Variants in TNKS1BP1 observed in about 807,000 individuals in gnomAD.
The protein encoded by TNKS1BP1 is 182 kDa tankyrase-1-binding protein.
A neutral mutation model predicts 141.1 loss-of-function variants in TNKS1BP1; 48 were observed. The ratio of observed to expected loss-of-function variants is 0.34; its 90% CI spans 0.27 to 0.43. The LOEUF is 0.43. Among genes scored for constraint, TNKS1BP1 ranks in the 20% least tolerant of loss-of-function variants. The pLI, the probability that TNKS1BP1 is intolerant of heterozygous loss-of-function variation, is 1.00. For synonymous variants in TNKS1BP1, 875 were observed against 898.2 expected (o/e 0.97, Z 0.46); for missense variants, 2,149 against 2,226.0 (o/e 0.97, Z 0.70).
At position 57,308,481 on chromosome 11, in the gene TNKS1BP1, C is replaced by A; in HGVS notation, c.4230G>T (p.Gln1410His). ...GVGETSGPETQGEDYSSSSLE... is the reference protein window; with the variant it reads ...GVGETSGPETHGEDYSSSSLE... ...AGGAAGACGAGGAGTAATCTTCACC[C>A]TGGGTCTCTGGCCCACTTGTCTCAC... Residue 1410 changes from glutamine (Q) to histidine (H), a missense_variant, in exon 6 of 12, where the codon CAG becomes CAT. Physicochemically the swap from Gln to His is conservative, Grantham distance 24 (BLOSUM62 0). Coordinates refer to ENST00000358252, the MANE Select transcript of TNKS1BP1 (RefSeq NM_033396.3). 1.9e-6 allele frequency: 3 copies of A among 1,614,204 alleles called. No homozygotes were observed. The highest frequency in any genetic ancestry group is 2.5e-6 in the Non-Finnish European group (3 of 1,180,028).
intron 6 of TNKS1BP1, among the ~76,000 whole-genome samples, chr11:57,307,817 T>C (rs1371999255): frequency 7.2e-5 from 11 of 152,212 alleles, no homozygotes; most frequent in Non-Finnish European, 7.3e-5. Context: ...TTCAGCAAAT[T>C]TGCACAGAGG....
At position 57,300,760 on chromosome 11, in the gene TNKS1BP1, T is replaced by A. The variant is rs183427649; in HGVS notation, c.5129+124A>T. On this transcript the variant is annotated intron_variant, in intron 10 of 11. Transcript: ENST00000358252. Reference sequence around the variant, plus strand: ...TGACACCATCTTCATACCGTTCATCTGGGGCATGTCCGACTGAGGTTCCTC... The same window carrying A: ...TGACACCATCTTCATACCGTTCATCAGGGGCATGTCCGACTGAGGTTCCTC... 564 of 1,499,178 alleles carry A rather than the reference T, an allele frequency of 3.8e-4. 2 individuals carry two copies. The highest frequency in any genetic ancestry group is 1.4e-3 in the South Asian group (111 of 79,786). The allele number at this position is 1,499,178 out of a possible 1,614,324, so 92.9% of individuals were successfully genotyped here. A position where few individuals can be genotyped will look rare whatever the true frequency, so the allele number is the denominator to read the frequency against.
At chr11:57,314,522 T>TA (rs1234811356) in intron 4 of TNKS1BP1, among the ~76,000 whole-genome samples, 1 of 152,186 alleles carries the variant, frequency 6.6e-6, no homozygotes, top group African/African-American at 2.4e-5. Context: ...CTCCCTCACA[T>TA]ATGGCAGACA....
At chr11:57,321,744 T>TGGGGCGC in intron 2 of TNKS1BP1, 48 bp downstream of exon 2, 1 of 1,039,822 alleles carries the variant, frequency 9.6e-7, no homozygotes, top group Non-Finnish European at 1.5e-6. Context: ...CCTCTGTCCT[T>TGGGGCGC]CCCACCCCCC....
At chr11:57,322,053 G>T (rs1200523404) in intron 1 of TNKS1BP1, 103 bp from the exon 2 acceptor site, 2 of 613,858 alleles carry the variant, frequency 3.3e-6, no homozygotes, top group East Asian at 7.7e-5. Context: ...GTGTGGGACA[G>T]GAAGAGAGAA....
Position 57,308,725 on chromosome 11 carries a change from C to T in TNKS1BP1, c.3986G>A (p.Gly1329Glu), listed in dbSNP as rs1488783873. ...DLEVTCDPDS[G>E]GSQGLRGCGV... Reference sequence around the variant, plus strand: ...ACATCCCCGTAGCCCCTGAGAACCTCCAGAGTCTGGGTCACAGGTCACCTC... The same window carrying T: ...ACATCCCCGTAGCCCCTGAGAACCTTCAGAGTCTGGGTCACAGGTCACCTC... Residue 1329 changes from glycine to glutamate, a missense_variant, in exon 6 of 12, where the codon GGA (glycine) becomes GAA (glutamate). Physicochemically the swap from Gly to Glu is moderately conservative, Grantham distance 98 (BLOSUM62 -2). Coordinates refer to ENST00000358252, the MANE Select transcript of TNKS1BP1 (RefSeq NM_033396.3). 6.2e-7 allele frequency: 1 copy of T among 1,613,728 alleles called. No individual in the cohort carries two copies. Among genetic ancestry groups the T allele is most frequent in the South Asian group, 1.1e-5 (1 of 91,084 alleles).
rs902540325 is a variant in TNKS1BP1 at position 57,309,116 on chromosome 11, T to C, written c.3595A>G (p.Ser1199Gly). 1 of 1,613,904 alleles carries C rather than the reference T, an allele frequency of 6.2e-7. No individual in the cohort carries two copies. The highest frequency in any genetic ancestry group is 8.5e-7 in the Non-Finnish European group (1 of 1,179,970). The change falls in exon 6 of 12, where the codon AGC becomes GGC. Residue 1199 changes from serine (S) to glycine (G), a missense_variant. Transcript: ENST00000358252. The surrounding 1 kb of genome is among the most constrained non-coding windows in gnomAD (Gnocchi z 4.3). ...CCGGTCAGGTTCATGTCTCTCAAGC[T>C]CAGGCCACCTGACCAGCCCATCTGT... ...VGQMGWSGGL[S>G]LRDMNLTGCL...
Position 57,300,629 on chromosome 11 carries a change from T to C in TNKS1BP1, c.5130-29A>G, listed in dbSNP as rs199938530. The C allele has an allele frequency of 2.5e-5, 40 of 1,613,964 alleles. No homozygotes were observed. The East Asian group carries it at 8.7e-4, about 35-fold the overall frequency. ...GGAGGCAGACGGCAAAGGTCCAGAATGCAAACTTTGAGGAAACTGAACACA... is the reference window on the plus strand; with the variant it reads ...GGAGGCAGACGGCAAAGGTCCAGAACGCAAACTTTGAGGAAACTGAACACA... On this transcript the variant is annotated intron_variant, in intron 10 of 11. Coordinates refer to ENST00000358252, the MANE Select transcript of TNKS1BP1 (RefSeq NM_033396.3).
chr11:57,320,163 G>A lies in TNKS1BP1; in HGVS notation c.644C>T (p.Thr215Ile). 1.2e-6 allele frequency: 2 copies of A among 1,614,168 alleles called. No individual in the cohort carries two copies. Among genetic ancestry groups the A allele is most frequent in the African/African-American group, 1.3e-5 (1 of 75,032 alleles). The change falls in exon 3 of 12, where the codon ACC becomes ATC. Residue 215 changes from threonine to isoleucine, a missense_variant. By Grantham distance (89) the Thr-to-Ile change is moderately conservative (BLOSUM62 -1). Transcript: ENST00000358252. ...TTAPRDEDGS[T>I]LFRGWSQEGP... ...CTCCTGGGACCATCCCCTGAAGAGG[G>A]TGCTGCCATCCTCATCCCTGGGAGC...
At chr11:57,305,321 T>G (rs929605480) in intron 6 of TNKS1BP1, among the ~76,000 whole-genome samples, 1 of 152,256 alleles carries the variant, frequency 6.6e-6, no homozygotes, top group Non-Finnish European at 1.5e-5. Context: ...GCCTAACACA[T>G]AGTTAGCACT....
intron 6 of TNKS1BP1, among the ~76,000 whole-genome samples, chr11:57,306,490 G>A (rs1309243066): frequency 8.5e-5 from 13 of 152,172 alleles, no homozygotes. Flanking sequence ...CATATTCACA[G>A]ACTGGTATTC....
Position 57,300,613 on chromosome 11 carries a change from C to T in TNKS1BP1, c.5130-13G>A, listed in dbSNP as rs201263507. 1.1e-4 allele frequency: 181 copies of T among 1,614,072 alleles called. No individual in the cohort carries two copies. The highest frequency in any genetic ancestry group is 1.6e-4 in the Middle Eastern group (1 of 6,084). On this transcript the variant is annotated splice_polypyrimidine_tract_variant and intron_variant, in intron 10 of 11. Transcript: ENST00000358252. The stretch of plus-strand genomic sequence containing the variant: ...CGATCCTTCTGACCTAGGAGGCAGA[C>T]GGCAAAGGTCCAGAATGCAAACTTT...
At chr11:57,308,137 T>C (rs1320044645) in intron 6 of TNKS1BP1, among the ~76,000 whole-genome samples, 2 of 152,200 alleles carry the variant, frequency 1.3e-5, no homozygotes, top group African/African-American at 4.8e-5. Context: ...ACAGTCACAA[T>C]TCCAAATCAC....
chr11:57,300,443 A>G, intron 11 of TNKS1BP1, 85 bp downstream of exon 11: 1 of 1,253,656 alleles, frequency 8.0e-7, no homozygotes, highest in Admixed American at 1.9e-5. Flanking sequence ...GGTGGGAGCT[A>G]AGGGACAGAA....
In TNKS1BP1 at chr11:57,309,332, T is replaced by C; in HGVS notation, c.3379A>G (p.Ile1127Val). The C allele has an allele frequency of 6.2e-7, 1 of 1,614,112 alleles. No homozygotes were observed. Among genetic ancestry groups the C allele is most frequent in the Non-Finnish European group, 8.5e-7 (1 of 1,180,034 alleles). Residue 1127 changes from isoleucine (I) to valine (V), a missense_variant, in exon 6 of 12, where the codon ATT (isoleucine) becomes GTT (valine). Coordinates refer to ENST00000358252, the MANE Select transcript of TNKS1BP1 (RefSeq NM_033396.3). This position sits in a 1 kb window ranked among gnomAD's most constrained non-coding sequence, Gnocchi z 4.3. ...ASERSYQFGIIGNDRVSGAGF... is the reference protein window; with the variant it reads ...ASERSYQFGIVGNDRVSGAGF... Reference sequence around the variant, plus strand: ...GCACCACTCACTCTGTCGTTGCCAATGATGCCAAACTGATAGCTCCTCTCA... The same window carrying C: ...GCACCACTCACTCTGTCGTTGCCAACGATGCCAAACTGATAGCTCCTCTCA...
rs35084894 is a variant in TNKS1BP1 at position 57,304,872 on chromosome 11, C to CAAAA, written c.4317-2051_4317-2048dup. Among the ~76,000 whole-genome samples the CAAAA allele has an allele frequency of 1.7e-3, 126 of 72,046 alleles. 1 individual carries two copies. The highest frequency in any genetic ancestry group is 2.6e-3 in the Admixed American group (15 of 5,766). 47.3% of individuals were successfully genotyped at this position (72,046 alleles called of 152,430 possible). On this transcript the variant is annotated intron_variant, in intron 6 of 11. Coordinates refer to ENST00000358252, the MANE Select transcript of TNKS1BP1 (RefSeq NM_033396.3). ...AGGCAACAAGAGCAAAACTCCGTCT[C>CAAAA]AAAAAAAAAAAAAAAAAAAAAAATC...
intron 3 of TNKS1BP1, 68 bp downstream of exon 3, chr11:57,320,011 G>T: frequency 7.7e-7 from 1 of 1,296,680 alleles, no homozygotes; most frequent in South Asian, 1.3e-5. Flanking sequence ...TTGGTCCCCA[G>T]CCCCCACCCA....
At chr11:57,316,105 T>G (rs993457209) in intron 4 of TNKS1BP1, among the ~76,000 whole-genome samples, 1 of 152,192 alleles carries the variant, frequency 6.6e-6, no homozygotes, top group African/African-American at 2.4e-5. Flanking sequence ...CTTTCTCCTT[T>G]ACCTTGCCAC....
chr11:57,300,393 G>T, intron 11 of TNKS1BP1, 135 bp downstream of exon 11: 1 of 754,984 alleles, frequency 1.3e-6, no homozygotes, highest in Non-Finnish European at 2.2e-6. Context: ...AGTCTCTGGA[G>T]CTTGGCTTCA....
Sources: allele counts gnomAD v4.1 joint callset (sites outside exome capture counted in the v4.1 genomes callset), GRCh38; gene constraint gnomAD v4.1.1; non-coding constraint Gnocchi (gnomAD v3.1); transcripts MANE v1.5; gene names NCBI Gene and HGNC (gene_info 2026-07-23, HGNC 2026-07-21).